GPRIN3: variants seen among roughly 807,000 people sequenced by gnomAD.
GPRIN3 encodes the protein G protein-regulated inducer of neurite outgrowth 3.
A neutral mutation model predicts 13.7 loss-of-function variants in GPRIN3; 12 were observed. That is an observed-to-expected ratio of 0.87 (90% confidence interval 0.56 to 1.42). The LOEUF (loss-of-function observed/expected upper bound fraction) is 1.42, where lower values mean the gene tolerates loss of function less well. Ranked by LOEUF, GPRIN3 falls within the 40% of genes most tolerant of loss-of-function variation. The pLI, the probability that GPRIN3 is intolerant of heterozygous loss-of-function variation, is 0.00. For synonymous variants in GPRIN3, 377 were observed against 372.7 expected (o/e 1.01, Z -0.13); for missense variants, 1,009 against 958.7 (o/e 1.05, Z -0.69).
At chr4:89,305,130 C>G (rs1725000836) in intron 1 of GPRIN3, among the ~76,000 whole-genome samples, 1 of 152,130 alleles carries the variant, frequency 6.6e-6, no homozygotes, top group South Asian at 2.1e-4. Flanking sequence ...GATCCTGCTG[C>G]CCTCTCCATT....
Position 89,249,684 on chromosome 4 carries a change from G to A in GPRIN3, c.427C>T (p.Pro143Ser), listed in dbSNP as rs758718983. ...GGCATGGATGAGGTGATGGCATTGGGCTGATCACCTGGGATGGACTGGCAG... is the reference window on the plus strand; with the variant it reads ...GGCATGGATGAGGTGATGGCATTGGACTGATCACCTGGGATGGACTGGCAG... ...HTCQSIPGDQ[P>S]NAITSSMPED... Residue 143 changes from proline (P) to serine (S), a missense_variant, in exon 2 of 2, where the codon CCC becomes TCC. Transcript: ENST00000609438. The A allele has an allele frequency of 6.8e-6, 11 of 1,613,970 alleles. No individual in the cohort carries two copies. Among genetic ancestry groups the A allele is most frequent in the Non-Finnish European group, 8.5e-6 (10 of 1,179,928 alleles).
intron 1 of GPRIN3, among the ~76,000 whole-genome samples, chr4:89,263,727 G>A (rs1451294965): frequency 1.3e-5 from 2 of 152,106 alleles, no homozygotes; most frequent in Non-Finnish European, 2.9e-5. Context: ...TTACGTATCT[G>A]AAAACAAGCT....
intron 1 of GPRIN3, among the ~76,000 whole-genome samples, chr4:89,280,801 T>A (rs1025989754): frequency 4.6e-5 from 7 of 152,092 alleles, no homozygotes; most frequent in African/African-American, 1.7e-4. Context: ...CTGTGGAAAC[T>A]GAAACAGAGA....
intron 1 of GPRIN3, among the ~76,000 whole-genome samples, chr4:89,269,258 A>G (rs1424080099): frequency 6.6e-6 from 1 of 152,158 alleles, no homozygotes; most frequent in Non-Finnish European, 1.5e-5. Flanking sequence ...TTTCCTTTAC[A>G]AATTAGATGA....
intron 1 of GPRIN3, among the ~76,000 whole-genome samples, chr4:89,268,283 A>C (rs1476710669): frequency 6.6e-6 from 1 of 152,232 alleles, no homozygotes; most frequent in African/African-American, 2.4e-5. Context: ...AAGAATACAA[A>C]GAGAAAAGAG....
At chr4:89,302,644 G>C (rs1724929547) in intron 1 of GPRIN3, among the ~76,000 whole-genome samples, 1 of 152,134 alleles carries the variant, frequency 6.6e-6, no homozygotes, top group Admixed American at 6.5e-5. Context: ...TTAAAAAGCT[G>C]TGAAAACTTT....
rs529183487 is a variant in GPRIN3, at chr4:89,246,887, T to C, written c.*893A>G. The C allele has an allele frequency of 2.0e-5, 3 of 152,352 alleles. No homozygotes were observed. Among genetic ancestry groups the C allele is most frequent in the East Asian group, 1.9e-4 (1 of 5,186 alleles). 9.4% of individuals were successfully genotyped at this position (152,352 alleles called of 1,614,324 possible). A position where few individuals can be genotyped will look rare whatever the true frequency, so the allele number is the denominator to read the frequency against. On this transcript the variant is annotated 3_prime_UTR_variant, in exon 2 of 2. Transcript: ENST00000609438. ...CTGACCAGAACCTTAGCATTCTCAG[T>C]AGAATATCACTGGAGAACACCTGCA...
chr4:89,269,311 C>T (rs1341821985), intron 1 of GPRIN3, among the ~76,000 whole-genome samples: 2 of 152,046 alleles, frequency 1.3e-5, no homozygotes, highest in African/African-American at 4.8e-5. Flanking sequence ...GCAGGCTAGC[C>T]TGCTGAATGT....
At chr4:89,298,432 A>G (rs1724802965) in intron 1 of GPRIN3, among the ~76,000 whole-genome samples, 4 of 152,122 alleles carry the variant, frequency 2.6e-5, no homozygotes, top group African/African-American at 7.2e-5. Flanking sequence ...GCATACAGGA[A>G]GGAAGAAAGA....
chr4:89,253,528 C>T (rs755246164), intron 1 of GPRIN3, among the ~76,000 whole-genome samples: 1 of 152,126 alleles, frequency 6.6e-6, no homozygotes, highest in Non-Finnish European at 1.5e-5. Flanking sequence ...GAAGTTAATT[C>T]GCCAAAGAGG....
At chr4:89,288,063 T>C (rs1051665718) in intron 1 of GPRIN3, among the ~76,000 whole-genome samples, 1 of 152,162 alleles carries the variant, frequency 6.6e-6, no homozygotes, top group Non-Finnish European at 1.5e-5. Flanking sequence ...CTGTCTAATT[T>C]CGGTGCCTCG....
intron 1 of GPRIN3, among the ~76,000 whole-genome samples, chr4:89,289,120 C>G (rs1348306199): frequency 6.7e-6 from 1 of 150,334 alleles, no homozygotes; most frequent in Non-Finnish European, 1.5e-5. Context: ...CAGGCCTCTT[C>G]TTTCCTGTCC....
intron 1 of GPRIN3, among the ~76,000 whole-genome samples, chr4:89,265,965 G>A (rs1207154269): frequency 6.6e-6 from 1 of 152,144 alleles, no homozygotes; most frequent in Non-Finnish European, 1.5e-5. Flanking sequence ...ACCACATTAT[G>A]TAGTACCATA....
chr4:89,284,667 T>C (rs1440379616), intron 1 of GPRIN3, among the ~76,000 whole-genome samples: 3 of 152,190 alleles, frequency 2.0e-5, no homozygotes, highest in African/African-American at 7.2e-5. Flanking sequence ...AGCTCCCTTT[T>C]CTCACCCTGA....
At position 89,248,774 on chromosome 4, in the gene GPRIN3, A is replaced by G. The variant is rs7653897; in HGVS notation, c.1337T>C (p.Val446Ala). Reference sequence around the variant, plus strand: ...CTTTTTAGCAGTTGACTCTTCCCTCACTGGAGTCATTCCTGCTAACCTCCC... The same window carrying G: ...CTTTTTAGCAGTTGACTCTTCCCTCGCTGGAGTCATTCCTGCTAACCTCCC... ...EDGRLAGMTPVREESTAKKLA... is the reference protein window; with the variant it reads ...EDGRLAGMTPAREESTAKKLA... The change falls in exon 2 of 2, where the codon GTG (valine) becomes GCG (alanine). Residue 446 changes from valine to alanine, a missense_variant. By Grantham distance (64) the Val-to-Ala change is moderately conservative (BLOSUM62 0). Coordinates refer to ENST00000609438, the MANE Select transcript of GPRIN3 (RefSeq NM_198281.3). 0.56 allele frequency: 896,648 copies of G among 1,613,848 alleles called. 252,985 individuals carry two copies. The highest frequency in any genetic ancestry group is 0.72 in the African/African-American group (54,227 of 74,946).
chr4:89,293,428 G>T (rs1724643351), intron 1 of GPRIN3, among the ~76,000 whole-genome samples: 1 of 152,190 alleles, frequency 6.6e-6, no homozygotes, highest in South Asian at 2.1e-4. Flanking sequence ...GGTCAGTGTA[G>T]TCAACAAGTG....
intron 1 of GPRIN3, among the ~76,000 whole-genome samples, chr4:89,271,494 C>G (rs1482195000): frequency 6.6e-6 from 1 of 152,074 alleles, no homozygotes; most frequent in Non-Finnish European, 1.5e-5. Flanking sequence ...ATGTATTTTA[C>G]ATTTTTTCTA....
chr4:89,248,496 T>A lies in GPRIN3; in HGVS notation c.1615A>T (p.Lys539Ter). 1 of 1,612,880 alleles carries A rather than the reference T, an allele frequency of 6.2e-7. No homozygotes were observed. The highest frequency in any genetic ancestry group is 1.1e-5 in the South Asian group (1 of 90,818). Residue 539 changes from lysine (K) to a stop codon, truncating the protein, a stop_gained, in exon 2 of 2, where the codon AAG becomes TAG. Transcript: ENST00000609438. LOFTEE classifies it low-confidence loss of function (END_TRUNC). The stretch of plus-strand genomic sequence containing the variant: ...TTTACTACCTGAGGAGATGCAGGCT[T>A]CTTTTCCCTTGCATCTCCTTTATTA... ...PTNKGDAREK[K>*]PASPQVVKEK...
rs567205287 is a variant in GPRIN3 at position 89,277,082 on chromosome 4, C to T, written c.-123-26849G>A. On this transcript the variant is annotated intron_variant, in intron 1 of 1. Transcript: ENST00000609438. Reference sequence around the variant, plus strand: ...CACATCTTGGGAGGAGTCTTCAGTCCAAACAAAGAATTTTTCTCCTAGAAC... The same window carrying T: ...CACATCTTGGGAGGAGTCTTCAGTCTAAACAAAGAATTTTTCTCCTAGAAC... Among the ~76,000 whole-genome samples the T allele has an allele frequency of 3.3e-5, 5 of 151,968 alleles. No individual in the cohort carries two copies. In the South Asian group the frequency reaches 1.1e-3, roughly 32 times the overall value.
Sources: allele counts gnomAD v4.1 joint callset (sites outside exome capture counted in the v4.1 genomes callset), GRCh38; gene constraint gnomAD v4.1.1; transcripts MANE v1.5; gene names NCBI Gene and HGNC (gene_info 2026-07-23, HGNC 2026-07-21).